The following CHST6 variants were observed in gnomAD, a reference collection of about 807,000 sequenced individuals.
CHST6 encodes the protein N-acetylglucosamine 6-O-sulfotransferase 5.
For missense variants in CHST6, 698 were observed against 586.2 expected (o/e 1.19, Z -1.97); for synonymous variants, 309 against 276.4 (o/e 1.12, Z -1.17).
At chr16:75,492,759 A>G (rs1485419089) in intron 1 of CHST6, among the ~76,000 whole-genome samples, 1 of 103,724 alleles carries the variant, frequency 9.6e-6, no homozygotes, top group African/African-American at 7.0e-5. Context: ...CTGAGGCAGG[A>G]GAATCACTGG....
At chr16:75,482,982 G>C (rs946931016) in intron 1 of CHST6, among the ~76,000 whole-genome samples, 3 of 152,216 alleles carry the variant, frequency 2.0e-5, no homozygotes, top group African/African-American at 7.2e-5. Context: ...GGCTGACGAT[G>C]GTTGGCTTCC....
In CHST6 at chr16:75,479,822, G is replaced by C; in HGVS notation, c.7C>G (p.Leu3Val). The C allele has an allele frequency of 3.9e-6, 6 of 1,556,190 alleles. No homozygotes were observed. The highest frequency in any genetic ancestry group is 5.2e-6 in the Non-Finnish European group (6 of 1,152,608). Residue 3 changes from leucine to valine, a missense_variant, in exon 3 of 3, where the codon CTG becomes GTG. Coordinates refer to ENST00000332272, the MANE Select transcript of CHST6 (RefSeq NM_021615.5). Reference protein sequence around the residue: MWLPRVSSTAVTA... With the variant: MWVPRVSSTAVTA... ...ACTGCTGTGCTGGAGACGCGCGGCA[G>C]CCACATGCTGACTGCTGGGGGCCTT... is the stretch of plus-strand genomic sequence containing the variant.
At chr16:75,489,398 CAAAA>C (rs901241278) in intron 1 of CHST6, among the ~76,000 whole-genome samples, 1 of 58,140 alleles carries the variant, frequency 1.7e-5, no homozygotes, top group African/African-American at 5.9e-5. Context: ...GACTCTGTCT[CAAAA>C]AAAAAAAAAA....
intron 1 of CHST6, among the ~76,000 whole-genome samples, chr16:75,491,190 AATATAT>A (rs1555501738): frequency 0.014 from 721 of 49,974 alleles, 21 homozygotes; most frequent in Admixed American, 0.016. Flanking sequence ...AAAAAAAAAA[AATATAT>A]ATATATATAT....
In CHST6 at chr16:75,476,211, G is replaced by C. The variant is rs2080064095; in HGVS notation, c.*2430C>G. 1 of 152,044 alleles carries C rather than the reference G, an allele frequency of 6.6e-6. No homozygotes were observed. The highest frequency in any genetic ancestry group is 2.1e-4 in the South Asian group (1 of 4,830). The allele number at this position is 152,044 out of a possible 1,614,324, so 9.4% of individuals were successfully genotyped here. ...ATGTGGAGCCTTTGGGAGGTGATTAGATAATGAAGGTGGAGACCTCAAGAA... is the reference window on the plus strand; with the variant it reads ...ATGTGGAGCCTTTGGGAGGTGATTACATAATGAAGGTGGAGACCTCAAGAA... On this transcript the variant is annotated 3_prime_UTR_variant, in exon 3 of 3. Transcript: ENST00000332272.
At chr16:75,488,078 T>A (rs2080220033) in intron 1 of CHST6, among the ~76,000 whole-genome samples, 2 of 152,188 alleles carry the variant, frequency 1.3e-5, no homozygotes, top group South Asian at 4.1e-4. Context: ...GCCCTGTTCA[T>A]AGAATCTAAG....
rs368696289 is a variant in CHST6 at position 75,473,414 on chromosome 16, C to A, written c.*5227G>T. 6.6e-6 allele frequency: 1 copy of A among 152,400 alleles called. No individual in the cohort carries two copies. The highest frequency in any genetic ancestry group is 2.1e-4 in the South Asian group (1 of 4,834). The allele number at this position is 152,400 out of a possible 1,614,324, so 9.4% of individuals were successfully genotyped here. ...TGCTTGTCCAGCAGGCTGGCCTGGG[C>A]TTTCTCCCGGGCAGAGGCGGAGGTC... On this transcript the variant is annotated 3_prime_UTR_variant, in exon 3 of 3. Transcript: ENST00000332272.
In CHST6 at chr16:75,473,330, A is replaced by C. The variant is rs2080035371; in HGVS notation, c.*5311T>G. The C allele has an allele frequency of 6.6e-6, 1 of 152,264 alleles. No homozygotes were observed. Among genetic ancestry groups the C allele is most frequent in the Non-Finnish European group, 1.5e-5 (1 of 68,256 alleles). The allele number at this position is 152,264 out of a possible 1,614,324, so 9.4% of individuals were successfully genotyped here. A position where few individuals can be genotyped will look rare whatever the true frequency, so the allele number is the denominator to read the frequency against. ...AAGTGGCTGCGTGCGGATCAGCTGG[A>C]GCTGGCTGGTCTAGGATGGCCTGGT... On this transcript the variant is annotated 3_prime_UTR_variant, in exon 3 of 3. Coordinates refer to ENST00000332272, the MANE Select transcript of CHST6 (RefSeq NM_021615.5).
chr16:75,489,969 G>C (rs547293230), intron 1 of CHST6, among the ~76,000 whole-genome samples: 126 of 151,706 alleles, frequency 8.3e-4, no homozygotes, highest in Middle Eastern at 6.8e-3. Flanking sequence ...CTGAGGTCAG[G>C]AGTTCGAGAC....
In CHST6 at chr16:75,478,676, A is replaced by C. The variant is rs2080093278; in HGVS notation, c.1153T>G (p.Trp385Gly). Residue 385 changes from tryptophan to glycine, a missense_variant, in exon 3 of 3, where the codon TGG becomes GGG. Trp to Gly is a radical substitution (Grantham distance 184). Transcript: ENST00000332272. Reference protein sequence around the residue: ...VLPRGLNGFTWASSTASHPRN With the variant: ...VLPRGLNGFTGASSTASHPRN ...GGGTGCGAGGCGGTGGATGATGCCC[A>C]AGTGAAGCCGTTCAGGCCTCGTGGC... 1 of 1,613,688 alleles carries C rather than the reference A, an allele frequency of 6.2e-7. No individual in the cohort carries two copies. Among genetic ancestry groups the C allele is most frequent in the African/African-American group, 1.3e-5 (1 of 75,054 alleles).
intron 1 of CHST6, among the ~76,000 whole-genome samples, chr16:75,492,099 A>T (rs2080262757): frequency 6.6e-6 from 1 of 152,256 alleles, no homozygotes; most frequent in African/African-American, 2.4e-5. Context: ...GAGAAAACAG[A>T]TCTGCCTTCA....
In CHST6 at chr16:75,473,952, A is replaced by C. The variant is rs1188668313; in HGVS notation, c.*4689T>G. The C allele has an allele frequency of 6.6e-6, 1 of 152,186 alleles. No individual in the cohort carries two copies. The highest frequency in any genetic ancestry group is 2.4e-5 in the African/African-American group (1 of 41,428). 9.4% of individuals were successfully genotyped at this position (152,186 alleles called of 1,614,324 possible). A position where few individuals can be genotyped will look rare whatever the true frequency, so the allele number is the denominator to read the frequency against. On this transcript the variant is annotated 3_prime_UTR_variant, in exon 3 of 3. Coordinates refer to ENST00000332272, the MANE Select transcript of CHST6 (RefSeq NM_021615.5). ...ATTGGGAGGCCAAGGCAGGTGGATC[A>C]CCTGAGGTCAGGAGTTCCAGCCCAG... is the stretch of plus-strand genomic sequence containing the variant.
At position 75,479,236 on chromosome 16, in the gene CHST6, A is replaced by T; in HGVS notation, c.593T>A (p.Val198Glu). 1.2e-6 allele frequency: 2 copies of T among 1,611,656 alleles called. No homozygotes were observed. The highest frequency in any genetic ancestry group is 1.7e-6 in the Non-Finnish European group (2 of 1,179,684). ...LSDPALNLRI[V>E]HLVRDPRAVL... ...GGCCCGCGGGTCGCGCACCAGGTGC[A>T]CGATGCGTAGGTTGAGCGCGGGGTC... Residue 198 changes from valine to glutamate, a missense_variant, in exon 3 of 3, where the codon GTG (valine) becomes GAG (glutamate). By Grantham distance (121) the Val-to-Glu change is moderately radical (BLOSUM62 -2). Transcript: ENST00000332272.
At position 75,478,782 on chromosome 16, in the gene CHST6, G is replaced by A. The variant is rs1250821775; in HGVS notation, c.1047C>T (p.Cys349=). 5.0e-6 allele frequency: 8 copies of A among 1,613,370 alleles called. No individual in the cohort carries two copies. Among genetic ancestry groups the A allele is most frequent in the East Asian group, 4.5e-5 (2 of 44,896 alleles). ...AGCCCAGCAGCTGCAGCGCACCAGC[G>A]CACAGTTCCTGCACGCGGCGGATCT... ...FAKIRRVQEL[C]AGALQLLGYR... is the part of the protein sequence containing the mutation. The change falls in exon 3 of 3, where the codon TGC becomes TGT. Residue 349 remains cysteine, a synonymous_variant. Coordinates refer to ENST00000332272, the MANE Select transcript of CHST6 (RefSeq NM_021615.5).
In CHST6 at chr16:75,479,500, T is replaced by C. The variant is rs72547544; in HGVS notation, c.329A>G (p.Tyr110Cys). 8 of 1,612,630 alleles carry C rather than the reference T, an allele frequency of 5.0e-6. No individual in the cohort carries two copies. The highest frequency in any genetic ancestry group is 1.7e-5 in the Admixed American group (1 of 59,996). The change falls in exon 3 of 3, where the codon TAT becomes TGT. Residue 110 changes from tyrosine (Y) to cysteine (C), a missense_variant. Tyr to Cys is a radical substitution (Grantham distance 194). Transcript: ENST00000332272. ...FLCDMDVFDA[Y>C]LPWRRNLSDL... ...GGACAGGTTGCGGCGCCAAGGCAGA[T>C]AGGCATCAAACACGTCCATGTCGCA...
At chr16:75,487,485 T>G (rs1212777963) in intron 1 of CHST6, among the ~76,000 whole-genome samples, 1 of 151,588 alleles carries the variant, frequency 6.6e-6, no homozygotes, top group African/African-American at 2.4e-5. Context: ...ACCAACACGG[T>G]GAAACCCCAT....
rs1177830392 is a variant in CHST6 at position 75,472,915 on chromosome 16, C to T, written c.*5726G>A. The stretch of plus-strand genomic sequence containing the variant: ...GCCAGAGCAGAGGCAGCAAGCGTGC[C>T]TGCCCCTAATTGTGGGTGACTGCTG... On this transcript the variant is annotated 3_prime_UTR_variant, in exon 3 of 3. Coordinates refer to ENST00000332272, the MANE Select transcript of CHST6 (RefSeq NM_021615.5). The T allele has an allele frequency of 1.3e-5, 2 of 152,190 alleles. No homozygotes were observed. Among genetic ancestry groups the T allele is most frequent in the Non-Finnish European group, 2.9e-5 (2 of 68,092 alleles). 9.4% of individuals were successfully genotyped at this position (152,190 alleles called of 1,614,324 possible). A position where few individuals can be genotyped will look rare whatever the true frequency, so the allele number is the denominator to read the frequency against.
rs1258970017 is a variant in CHST6 at position 75,479,070 on chromosome 16, G to C, written c.759C>G (p.Ala253=). 2 of 1,606,132 alleles carry C rather than the reference G, an allele frequency of 1.2e-6. No homozygotes were observed. ...REVCRSHVRI[A]EAATLKPPPF... ...GTGGCGGCTTGAGTGTGGCGGCCTC[G>C]GCGATGCGTACGTGGCTACGGCACA... Residue 253 remains alanine, a synonymous_variant, in exon 3 of 3, where the codon GCC becomes GCG. Transcript: ENST00000332272.
At position 75,479,070 on chromosome 16, in the gene CHST6, G is replaced by A. The variant is rs1258970017; in HGVS notation, c.759C>T (p.Ala253=). ...REVCRSHVRI[A]EAATLKPPPF... ...GTGGCGGCTTGAGTGTGGCGGCCTCGGCGATGCGTACGTGGCTACGGCACA... is the reference window on the plus strand; with the variant it reads ...GTGGCGGCTTGAGTGTGGCGGCCTCAGCGATGCGTACGTGGCTACGGCACA... The change falls in exon 3 of 3, where the codon GCC becomes GCT. Residue 253 remains alanine, a synonymous_variant. Transcript: ENST00000332272. The A allele has an allele frequency of 1.2e-6, 2 of 1,606,132 alleles. No homozygotes were observed. Among genetic ancestry groups the A allele is most frequent in the African/African-American group, 1.3e-5 (1 of 74,918 alleles).
Sources: allele counts gnomAD v4.1 joint callset (sites outside exome capture counted in the v4.1 genomes callset), GRCh38; gene constraint gnomAD v4.1.1; transcripts MANE v1.5; gene names NCBI Gene and HGNC (gene_info 2026-07-23, HGNC 2026-07-21).